The following ICE2 variants were observed in gnomAD, a reference collection of about 807,000 sequenced individuals.
ICE2 encodes interactor of little elongation complex ELL subunit 2.
In ICE2, 87 loss-of-function variants were observed where a neutral mutation model predicts 105.4. The observed-to-expected ratio is 0.83, with a 90% CI of 0.69 to 0.99. ICE2 has a LOEUF of 0.99. ICE2 is among the 50% of genes least tolerant of loss of function. The pLI, the probability that ICE2 is intolerant of heterozygous loss-of-function variation, is 0.00. For missense variants in ICE2, 1,323 were observed against 1,146.7 expected, an observed-to-expected ratio of 1.15 and a Z score of -2.22; for synonymous variants, 399 against 392.0, an observed-to-expected ratio of 1.02 and a Z score of -0.21.
chr15:60,465,996 C>T (rs1384895044), intron 5 of ICE2, among the ~76,000 whole-genome samples: 1 of 152,026 alleles, frequency 6.6e-6, no homozygotes, highest in African/African-American at 2.4e-5. Context: ...AGGTGATCCA[C>T]CCACCTCGGA....
rs576021673 is a variant in ICE2 at position 60,471,219 on chromosome 15, T to C, written c.147-2897A>G. Among the ~76,000 whole-genome samples the C allele has an allele frequency of 6.6e-5, 10 of 152,282 alleles. 1 individual carries two copies. The highest frequency in any genetic ancestry group is 2.4e-4 in the African/African-American group (10 of 41,552). ...GGAAATTAAAATTAGGATGCTTAGGTTGGCTCTGAAAATAACACAGGTAAA... is the reference window on the plus strand; with the variant it reads ...GGAAATTAAAATTAGGATGCTTAGGCTGGCTCTGAAAATAACACAGGTAAA... On this transcript the variant is annotated intron_variant, in intron 3 of 15. Coordinates refer to ENST00000261520, the MANE Select transcript of ICE2 (RefSeq NM_024611.6).
chr15:60,460,943 CCT>C (rs1314227727), intron 5 of ICE2, among the ~76,000 whole-genome samples: 2 of 152,072 alleles, frequency 1.3e-5, no homozygotes, highest in African/African-American at 2.4e-5. Flanking sequence ...TGCAAGCACC[CCT>C]GACACTTCCA....
chr15:60,476,592 G>C (rs1016598778), intron 2 of ICE2, among the ~76,000 whole-genome samples: 22 of 152,314 alleles, frequency 1.4e-4, no homozygotes, highest in Admixed American at 1.2e-3. Context: ...CTACTGTGCT[G>C]AGCCAAAAGA....
intron 11 of ICE2, among the ~76,000 whole-genome samples, chr15:60,447,282 C>T (rs1042745730): frequency 6.6e-6 from 1 of 152,050 alleles, no homozygotes; most frequent in African/African-American, 2.4e-5. Context: ...GAAAAGAACT[C>T]GAGTTCACAT....
At chr15:60,475,908 T>C (rs1407013282) in intron 3 of ICE2, among the ~76,000 whole-genome samples, 155 bp downstream of exon 3, 3 of 152,116 alleles carry the variant, frequency 2.0e-5, no homozygotes, top group African/African-American at 7.2e-5. Context: ...GAGAAAGGAA[T>C]GAAGGTCTGA....
At position 60,433,439 on chromosome 15, in the gene ICE2, C is replaced by A. The variant is rs149181766; in HGVS notation, c.2511-1455G>T. Among the ~76,000 whole-genome samples the A allele has an allele frequency of 2.1e-4, 32 of 152,108 alleles. 1 individual carries two copies. Among genetic ancestry groups the A allele is most frequent in the Admixed American group, 2.6e-4 (4 of 15,296 alleles). ...TAGTTCTTCTAGACCTAAAGTCCGTCTGTCCATCCTTCCTTTCTTCCTTTT... is the reference window on the plus strand; with the variant it reads ...TAGTTCTTCTAGACCTAAAGTCCGTATGTCCATCCTTCCTTTCTTCCTTTT... On this transcript the variant is annotated intron_variant, in intron 13 of 15. Coordinates refer to ENST00000261520, the MANE Select transcript of ICE2 (RefSeq NM_024611.6).
At chr15:60,443,378 T>G (rs1042857128) in intron 11 of ICE2, among the ~76,000 whole-genome samples, 11 of 152,264 alleles carry the variant, frequency 7.2e-5, no homozygotes, top group Admixed American at 1.3e-4. Context: ...TGTCACCATT[T>G]ACAGATTTGA....
rs1240527641 is a variant in ICE2 at position 60,449,188 on chromosome 15, A to G, written c.1779T>C (p.Ala593=). 9.9e-6 allele frequency: 16 copies of G among 1,614,120 alleles called. No homozygotes were observed. The highest frequency in any genetic ancestry group is 1.4e-5 in the Non-Finnish European group (16 of 1,179,974). ...TGGAACTTAAGTTAGAACCCACAAC[A>G]GCTGTCTTTCCATCACTATTATTTT... ...ECKNNSDGKT[A]VVGSNLSSRP... is the part of the protein sequence containing the mutation. The change falls in exon 10 of 16, where the codon GCT becomes GCC. Residue 593 remains alanine (A), a synonymous_variant. Transcript: ENST00000261520.
intron 15 of ICE2, among the ~76,000 whole-genome samples, chr15:60,424,796 G>A (rs1398013517): frequency 2.0e-5 from 3 of 152,164 alleles, no homozygotes; most frequent in African/African-American, 4.8e-5. Flanking sequence ...ATGAGCCACC[G>A]CGCCCAGCCA....
chr15:60,459,100 C>T (rs749247837), intron 5 of ICE2, among the ~76,000 whole-genome samples: 12 of 152,052 alleles, frequency 7.9e-5, no homozygotes, highest in East Asian at 7.7e-4. Flanking sequence ...ATGGTGAAAA[C>T]GGTAAATTTT....
Position 60,420,253 on chromosome 15 carries a change from A to C in ICE2, c.*3381T>G, listed in dbSNP as rs577981593. ...CATTTACTCAGTATCTCAAATGAGAAACCCAGAAGCCATACTTTACTCTCC... is the reference window on the plus strand; with the variant it reads ...CATTTACTCAGTATCTCAAATGAGACACCCAGAAGCCATACTTTACTCTCC... On this transcript the variant is annotated 3_prime_UTR_variant, in exon 16 of 16. Transcript: ENST00000261520. 1.1e-3 allele frequency: 160 copies of C among 152,326 alleles called. 1 individual carries two copies. The highest frequency in any genetic ancestry group is 3.7e-3 in the African/African-American group (154 of 41,572). 9.4% of individuals were successfully genotyped at this position (152,326 alleles called of 1,614,324 possible).
chr15:60,449,873 A>C (rs1232561613), intron 9 of ICE2, 32 bp from the exon 10 acceptor site: 2 of 1,539,724 alleles, frequency 1.3e-6, no homozygotes, highest in South Asian at 2.4e-5. Flanking sequence ...AGTATTAGTA[A>C]AAATTTCAAG....
At position 60,430,482 on chromosome 15, in the gene ICE2, C is replaced by T. The variant is rs1197341327; in HGVS notation, c.2561+1452G>A. Among the ~76,000 whole-genome samples, 3 of 152,088 alleles carry T rather than the reference C, an allele frequency of 2.0e-5. No individual in the cohort carries two copies. The East Asian group carries it at 5.8e-4, about 29-fold the overall frequency. ...TTACAGCCACAATATAAAGCTAACA[C>T]ACAAACTAAATAAAATATTGATAAT... On this transcript the variant is annotated intron_variant, in intron 14 of 15. Coordinates refer to ENST00000261520, the MANE Select transcript of ICE2 (RefSeq NM_024611.6).
At position 60,453,762 on chromosome 15, in the gene ICE2, T is replaced by C. The variant is rs764502244; in HGVS notation, c.966A>G (p.Ile322Met). Residue 322 changes from isoleucine to methionine, a missense_variant, in exon 9 of 16, where the codon ATA becomes ATG. Physicochemically the swap from Ile to Met is conservative, Grantham distance 10. Transcript: ENST00000261520. ...TTTGGGGAAGTGGTGAATTAATATA[T>C]ATTACTTTAACTGGTTTTGAACCTT... ...PVAGSKPVKV[I>M]YINSPLPQKK... The C allele has an allele frequency of 6.3e-7, 1 of 1,580,448 alleles. No individual in the cohort carries two copies. The highest frequency in any genetic ancestry group is 1.1e-5 in the South Asian group (1 of 90,164).
Position 60,478,030 on chromosome 15 carries a change from G to T in ICE2, c.-53C>A. The T allele has an allele frequency of 1.9e-6, 3 of 1,556,642 alleles. No individual in the cohort carries two copies. The highest frequency in any genetic ancestry group is 2.7e-6 in the Non-Finnish European group (3 of 1,128,160). ...TCACAGTTCACAGCTGCCTGGCTGC[G>T]AAGGCTCCAAGAGGCAGGATCCCTC... On this transcript the variant is annotated 5_prime_UTR_variant, in exon 2 of 16. Coordinates refer to ENST00000261520, the MANE Select transcript of ICE2 (RefSeq NM_024611.6).
chr15:60,440,589 G>T (rs928304349), intron 12 of ICE2: 1 of 152,134 alleles, frequency 6.6e-6, no homozygotes, highest in African/African-American at 2.4e-5. Flanking sequence ...TAAACTAGCA[G>T]CATCAGTACG....
At position 60,438,975 on chromosome 15, in the gene ICE2, C is replaced by T. The variant is rs936127031; in HGVS notation, c.2426-2748G>A. The T allele has an allele frequency of 2.6e-5, 4 of 152,172 alleles. No homozygotes were observed. In the South Asian group the frequency reaches 6.2e-4, roughly 24 times the overall value. The allele number at this position is 152,172 out of a possible 1,614,324, so 9.4% of individuals were successfully genotyped here. On this transcript the variant is annotated intron_variant, in intron 12 of 15. Transcript: ENST00000261520. Reference sequence around the variant, plus strand: ...TTATAGAGGACAAATAAAATCTATACATAATAAAAATAAAGCTTTTATATA... The same window carrying T: ...TTATAGAGGACAAATAAAATCTATATATAATAAAAATAAAGCTTTTATATA...
intron 13 of ICE2, among the ~76,000 whole-genome samples, chr15:60,434,966 C>T (rs2063550111): frequency 6.6e-6 from 1 of 152,156 alleles, no homozygotes; most frequent in South Asian, 2.1e-4. Context: ...TTGGTCATTA[C>T]ACACTGTATA....
At chr15:60,432,695 A>G (rs912534733) in intron 13 of ICE2, among the ~76,000 whole-genome samples, 2 of 151,928 alleles carry the variant, frequency 1.3e-5, no homozygotes, top group African/African-American at 4.8e-5. Context: ...GATGGAGACC[A>G]TCCTGGCTAA....
Sources: gnomAD v4.1 joint callset for allele counts (sites outside exome capture counted in the v4.1 genomes callset) on GRCh38, gnomAD v4.1.1 for gene constraint, MANE v1.5 for transcripts, NCBI Gene and HGNC (gene_info 2026-07-23, HGNC 2026-07-21) for gene names.